WDR90: variants seen among roughly 807,000 people sequenced by gnomAD.
WDR90 encodes the protein WD repeat domain 90, also known as WD repeat-containing protein 90.
A neutral mutation model predicts 195.2 loss-of-function variants in WDR90; 238 were observed. The observed-to-expected ratio is 1.22, with a 90% CI of 1.10 to 1.36. WDR90 has a LOEUF of 1.36. Ranked by LOEUF, WDR90 falls within the 40% of genes most tolerant of loss-of-function variation. WDR90 has a pLI of 0.00. For missense variants in WDR90, 2,734 were observed against 2,439.5 expected, an observed-to-expected ratio of 1.12 and a Z score of -2.54; for synonymous variants, 1,265 against 1,052.4, an observed-to-expected ratio of 1.20 and a Z score of -3.91.
chr16:661,821 G>A (rs1421858909), intron 31 of WDR90, 34 bp downstream of exon 31: 9 of 1,587,042 alleles, frequency 5.7e-6, no homozygotes, highest in East Asian at 4.5e-5. Flanking sequence ...CCCAGGGGTT[G>A]TTTTGTGGGG....
intron 28 of WDR90, 97 bp from the exon 29 acceptor site, chr16:660,954 G>A: frequency 5.0e-6 from 2 of 401,910 alleles, no homozygotes; most frequent in Non-Finnish European, 6.1e-6. Flanking sequence ...CCCACGGCTC[G>A]GCCCAGGCCC....
At chr16:659,401 G>T in intron 26 of WDR90, 25 bp downstream of exon 26, 1 of 1,584,738 alleles carries the variant, frequency 6.3e-7, no homozygotes, top group Non-Finnish European at 8.6e-7. Context: ...TCCTGGAGGA[G>T]TGGGGGGATT....
At position 661,881 on chromosome 16, in the gene WDR90, A is replaced by G; in HGVS notation, c.3865-10A>G. 6.2e-7 allele frequency: 1 copy of G among 1,605,764 alleles called. No individual in the cohort carries two copies. The highest frequency in any genetic ancestry group is 1.3e-5 in the African/African-American group (1 of 74,858). On this transcript the variant is annotated splice_polypyrimidine_tract_variant and intron_variant, in intron 31 of 40. Transcript: ENST00000293879. ...ACTGCTGACCCATGGCCACTCTCAT[A>G]CTTTGCCAGGTGCGTCGAGAGCCAG... is the stretch of plus-strand genomic sequence containing the variant.
In WDR90 at chr16:665,733, G is replaced by T; in HGVS notation, c.4366G>T (p.Asp1456Tyr). 1.2e-6 allele frequency: 2 copies of T among 1,612,266 alleles called. No individual in the cohort carries two copies. Among genetic ancestry groups the T allele is most frequent in the Non-Finnish European group, 1.7e-6 (2 of 1,179,654 alleles). ...GESHCATCSE[D>Y]GSVRVWALAS... The stretch of plus-strand genomic sequence containing the variant: ...GTCCCACTGCGCCACATGCAGTGAG[G>T]ATGGGAGTGTGCGGGTGTGGGCCTT... The change falls in exon 35 of 41, where the codon GAT becomes TAT. Residue 1456 changes from aspartate to tyrosine, a missense_variant. Transcript: ENST00000293879.
intron 33 of WDR90, 31 bp downstream of exon 33, chr16:662,362 G>T: frequency 6.5e-7 from 1 of 1,541,936 alleles, no homozygotes. Context: ...TGTTTTGGCT[G>T]CACGTGGGTG....
intron 21 of WDR90, 68 bp from the exon 22 acceptor site, chr16:658,115 G>A: frequency 6.4e-7 from 1 of 1,555,784 alleles, no homozygotes; most frequent in Non-Finnish European, 8.7e-7. Flanking sequence ...TCCCTCCCGA[G>A]CCTGACCCTG....
At chr16:652,124 G>A (rs923188863) in intron 9 of WDR90, 85 bp downstream of exon 9, 165 of 1,425,610 alleles carry the variant, frequency 1.2e-4, no homozygotes, top group Admixed American at 2.8e-4. Context: ...CATTCAGAAC[G>A]GATGTGCCTC....
rs760333282 is a variant in WDR90 at position 667,632 on chromosome 16, G to T, written c.*43G>T. ...GGTGGTGGGCATCACGCCTGGTCAT[G>T]CCAGGCACCTGGACACAGGCTTGGC... is the stretch of plus-strand genomic sequence containing the variant. On this transcript the variant is annotated 3_prime_UTR_variant, in exon 41 of 41. Transcript: ENST00000293879. 2 of 1,599,144 alleles carry T rather than the reference G, an allele frequency of 1.3e-6. No homozygotes were observed. Among genetic ancestry groups the T allele is most frequent in the Non-Finnish European group, 1.7e-6 (2 of 1,179,248 alleles).
At chr16:665,214 A>G (rs569472769) in intron 34 of WDR90, 1 of 321,956 alleles carries the variant, frequency 3.1e-6, no homozygotes, top group Non-Finnish European at 5.9e-6. Context: ...GCTCGCTGCA[A>G]CCTCAGTCTG....
At position 657,691 on chromosome 16, in the gene WDR90, C is replaced by G. The variant is rs1347500432; in HGVS notation, c.2474-71C>G. ...CCGAAAGTGGGGGCAGGGGCGGCGGCCTCCTCGGGCCCTGGCCACGCGCAC... is the reference window on the plus strand; with the variant it reads ...CCGAAAGTGGGGGCAGGGGCGGCGGGCTCCTCGGGCCCTGGCCACGCGCAC... On this transcript the variant is annotated intron_variant, in intron 20 of 40. Coordinates refer to ENST00000293879, the MANE Select transcript of WDR90 (RefSeq NM_145294.5). 2.8e-6 allele frequency: 4 copies of G among 1,448,286 alleles called. No homozygotes were observed. The African/African-American group carries it at 5.8e-5, about 21-fold the overall frequency. The allele number at this position is 1,448,286 out of a possible 1,614,324, so 89.7% of individuals were successfully genotyped here. A position where few individuals can be genotyped will look rare whatever the true frequency, so the allele number is the denominator to read the frequency against.
At position 661,729 on chromosome 16, in the gene WDR90, G is replaced by T; in HGVS notation, c.3806G>T (p.Gly1269Val). 1 of 1,612,072 alleles carries T rather than the reference G, an allele frequency of 6.2e-7. No individual in the cohort carries two copies. ...PWDAGELTCV[G>V]QGTVTFWLLQ... ...GACGCCGGCGAGCTCACCTGTGTGG[G>T]CCAGGGCACTGTCACCTTCTGGCTC... The change falls in exon 31 of 41, where the codon GGC becomes GTC. Residue 1269 changes from glycine (G) to valine (V), a missense_variant. Transcript: ENST00000293879.
At chr16:650,438 C>T in intron 4 of WDR90, 76 bp downstream of exon 4, 1 of 1,591,020 alleles carries the variant, frequency 6.3e-7, no homozygotes, top group Non-Finnish European at 8.6e-7. Flanking sequence ...TGAGGCTCCT[C>T]TGCGGCCTGG....
intron 10 of WDR90, 80 bp downstream of exon 10, chr16:652,615 G>C: frequency 7.0e-7 from 1 of 1,424,600 alleles, no homozygotes; most frequent in South Asian, 1.5e-5. Flanking sequence ...AGAGAGGAGA[G>C]ACCTATGTCC....
At chr16:657,068 C>CG in intron 19 of WDR90, 23 bp from the exon 20 acceptor site, 1 of 1,594,456 alleles carries the variant, frequency 6.3e-7, no homozygotes, top group Non-Finnish European at 8.5e-7. Context: ...CTAGGGCCAG[C>CG]GGGGTCCCTG....
chr16:662,060 G>A lies in WDR90; in HGVS notation c.4033+1G>A. On this transcript the variant is annotated splice_donor_variant, in intron 32 of 40. Transcript: ENST00000293879. LOFTEE classifies it high-confidence loss of function. ...TGGGAGGCGGATGACGGTGGCATTG[G>A]TGAGTGCCCCGCAGAAGCCCTGTGG... 1.9e-6 allele frequency: 3 copies of A among 1,600,444 alleles called. No individual in the cohort carries two copies. The highest frequency in any genetic ancestry group is 1.7e-4 in the Middle Eastern group (1 of 6,042).
intron 34 of WDR90, chr16:665,433 T>C (rs1394778210): frequency 8.2e-6 from 5 of 611,908 alleles, no homozygotes; most frequent in Admixed American, 2.9e-5. Flanking sequence ...AGAACAGCTT[T>C]CTCCTCGGTA....
At chr16:655,516 G>T in intron 15 of WDR90, 48 bp downstream of exon 15, 1 of 1,543,374 alleles carries the variant, frequency 6.5e-7, no homozygotes, top group Non-Finnish European at 8.7e-7. Flanking sequence ...GGGGGCCCTG[G>T]TGCCTGGGCC....
At chr16:662,897 C>G in intron 34 of WDR90, 53 bp downstream of exon 34, 3 of 1,533,868 alleles carry the variant, frequency 2.0e-6, no homozygotes, top group Non-Finnish European at 2.6e-6. Context: ...TGGTGCCCTC[C>G]CTGCCTGCCG....
intron 7 of WDR90, 57 bp from the exon 8 acceptor site, chr16:651,587 C>T: frequency 6.4e-7 from 1 of 1,555,338 alleles, no homozygotes; most frequent in Non-Finnish European, 8.8e-7. Flanking sequence ...GCGTCACCCT[C>T]ACCAGGCATC....
Sources: allele counts gnomAD v4.1 joint callset, GRCh38; gene constraint gnomAD v4.1.1; transcripts MANE v1.5; gene names NCBI Gene and HGNC (gene_info 2026-07-23, HGNC 2026-07-21).